The following RPL34 variants were observed in gnomAD, a reference collection of about 807,000 sequenced individuals.
RPL34 encodes large ribosomal subunit protein eL34.
A neutral mutation model predicts 16.3 loss-of-function variants in RPL34; 2 were observed. That is an observed-to-expected ratio of 0.12 (90% CI 0.05 to 0.39). RPL34 has a LOEUF of 0.39. Ranked by LOEUF, RPL34 falls within the 10% of genes least tolerant of loss-of-function variation. The pLI is 0.99. For synonymous variants in RPL34, 47 were observed against 48.5 expected (o/e 0.97, Z 0.13); for missense variants, 82 against 148.8 (o/e 0.55, Z 2.33).
rs1725959356 is a variant in RPL34 at position 108,625,259 on chromosome 4, T to C, written c.*47T>C. 6 of 1,194,352 alleles carry C rather than the reference T, an allele frequency of 5.0e-6. No homozygotes were observed. Among genetic ancestry groups the C allele is most frequent in the Non-Finnish European group, 7.3e-6 (6 of 824,162 alleles). The allele number at this position is 1,194,352 out of a possible 1,614,324, so 74.0% of individuals were successfully genotyped here. ...AATAAAAATGAAAAGACGCTGTATG[T>C]ATGACTTTTTTTTTTTCTGTTGTAA... On this transcript the variant is annotated 3_prime_UTR_variant, in exon 5 of 5. Coordinates refer to ENST00000394667, the MANE Select transcript of RPL34 (RefSeq NM_001319236.2).
chr4:108,624,138 T>C (rs1313898034), intron 4 of RPL34, among the ~76,000 whole-genome samples: 3 of 152,142 alleles, frequency 2.0e-5, no homozygotes, highest in Non-Finnish European at 4.4e-5. Flanking sequence ...AAATACAAAT[T>C]CTCGGGCCTT....
downstream of RPL34, among the ~76,000 whole-genome samples, chr4:108,629,065 G>A (rs990134954): frequency 7.2e-5 from 11 of 152,236 alleles, no homozygotes; most frequent in Admixed American, 4.6e-4. Flanking sequence ...ATGTCCGCCC[G>A]CCTCGGCCTG....
At position 108,622,204 on chromosome 4, in the gene RPL34, G is replaced by A; in HGVS notation, c.165G>A (p.Gly55=). Residue 55 remains glycine, a splice_region_variant and synonymous_variant, in exon 3 of 5, where the codon GGG becomes GGA. Coordinates refer to ENST00000394667, the MANE Select transcript of RPL34 (RefSeq NM_001319236.2). Reference sequence around the variant, plus strand: ...GTGTGTGCCCAGGCAGACTTCGAGGGGTAAGTGTACCTTTTACTGTGTGCA... The same window carrying A: ...GTGTGTGCCCAGGCAGACTTCGAGGAGTAAGTGTACCTTTTACTGTGTGCA... The part of the protein sequence containing the change: ...ACGVCPGRLR[G]VRAVRPKVLM... 3 of 1,600,730 alleles carry A rather than the reference G, an allele frequency of 1.9e-6. No homozygotes were observed. Among genetic ancestry groups the A allele is most frequent in the Non-Finnish European group, 2.6e-6 (3 of 1,172,094 alleles).
downstream of RPL34, chr4:108,625,395 G>A (rs1725967016): frequency 1.4e-5 from 7 of 494,660 alleles, no homozygotes; most frequent in South Asian, 2.7e-5. Flanking sequence ...GTTTGGTTTG[G>A]TTTTTTTGAG....
downstream of RPL34, among the ~76,000 whole-genome samples, chr4:108,628,445 C>T (rs1726084041): frequency 6.6e-6 from 1 of 152,186 alleles, no homozygotes; most frequent in Non-Finnish European, 1.5e-5. Flanking sequence ...AACTAATTGG[C>T]TGCTCTGTAG....
chr4:108,621,754 A>C, intron 1 of RPL34, 197 bp from the exon 2 acceptor site: 1 of 518,558 alleles, frequency 1.9e-6, no homozygotes, highest in South Asian at 2.1e-5. Context: ...ACCATCAGGA[A>C]AGCTAACATT....
In RPL34 at chr4:108,622,596, T is replaced by C. The variant is rs1286162776; in HGVS notation, c.247T>C (p.Cys83Arg). ...HVSRAYGGSM[C>R]AKCVRDRIKR... ...CAGCAGGGCCTATGGTGGTTCCATGTGTGCTAAATGTGTTCGTGACAGGTA... is the reference window on the plus strand; with the variant it reads ...CAGCAGGGCCTATGGTGGTTCCATGCGTGCTAAATGTGTTCGTGACAGGTA... The change falls in exon 4 of 5, where the codon TGT becomes CGT. Residue 83 changes from cysteine to arginine, a missense_variant. Physicochemically the swap from Cys to Arg is radical, Grantham distance 180. Transcript: ENST00000394667. 6.3e-7 allele frequency: 1 copy of C among 1,591,620 alleles called. No homozygotes were observed. The highest frequency in any genetic ancestry group is 1.4e-5 in the African/African-American group (1 of 73,416).
At chr4:108,625,419 C>A, downstream of RPL34, 3 of 459,264 alleles carry the variant, frequency 6.5e-6, no homozygotes, top group Non-Finnish European at 7.9e-6. Flanking sequence ...GAGTTTCTCT[C>A]TTGTTGCCTA....
At chr4:108,622,316 T>G in intron 3 of RPL34, 112 bp downstream of exon 3, 1 of 896,980 alleles carries the variant, frequency 1.1e-6, no homozygotes, top group Admixed American at 2.2e-5. Flanking sequence ...GGTTCAGAAT[T>G]ACTAAACATT....
At chr4:108,621,889 G>C (rs1725793525) in intron 1 of RPL34, 62 bp from the exon 2 acceptor site, 1 of 1,114,706 alleles carries the variant, frequency 9.0e-7, no homozygotes, top group Non-Finnish European at 1.4e-6. Context: ...ACATGATACT[G>C]TTTTGAGATT....
rs369478922 is a variant in RPL34, at chr4:108,622,632, T to C, written c.269+14T>C. On this transcript the variant is annotated intron_variant, in intron 4 of 4. Transcript: ENST00000394667. ...TGTTCGTGACAGGTAAGTTAAATGC[T>C]TAAATGGGCTTTCCTTAGCAAATTA... is the stretch of plus-strand genomic sequence containing the variant. 19 of 1,504,272 alleles carry C rather than the reference T, an allele frequency of 1.3e-5. No homozygotes were observed. Among genetic ancestry groups the C allele is most frequent in the Non-Finnish European group, 1.6e-5 (18 of 1,100,632 alleles). 93.2% of individuals were successfully genotyped at this position (1,504,272 alleles called of 1,614,324 possible). A position where few individuals can be genotyped will look rare whatever the true frequency, so the allele number is the denominator to read the frequency against.
At chr4:108,622,878 G>A (rs925745195) in intron 4 of RPL34, 16 of 352,936 alleles carry the variant, frequency 4.5e-5, no homozygotes, top group Non-Finnish European at 6.7e-5. Context: ...CTCTGTTAGT[G>A]GTTTGGACAA....
intron 1 of RPL34, 98 bp from the exon 2 acceptor site, chr4:108,621,853 G>T (rs974813725): frequency 2.6e-6 from 2 of 783,402 alleles, no homozygotes; most frequent in African/African-American, 3.4e-5. Flanking sequence ...TTACATACAA[G>T]GATATGTATG....
downstream of RPL34, chr4:108,629,899 T>C (rs1167351386): frequency 2.6e-5 from 4 of 152,340 alleles, no homozygotes; most frequent in East Asian, 5.8e-4. Flanking sequence ...ATGCATCTTA[T>C]CAAACCAACT....
intron 4 of RPL34, among the ~76,000 whole-genome samples, chr4:108,624,069 C>T (rs1243601343): frequency 2.9e-5 from 1 of 34,678 alleles, no homozygotes; most frequent in Non-Finnish European, 5.8e-5. Context: ...GCTTTTTTTC[C>T]CCCAGTCTTT....
intron 4 of RPL34, among the ~76,000 whole-genome samples, chr4:108,624,489 C>A (rs1326231359): frequency 6.6e-6 from 1 of 152,158 alleles, no homozygotes; most frequent in Non-Finnish European, 1.5e-5. Context: ...CTGTGCAACA[C>A]TGTAATGATA....
chr4:108,621,799 A>G (rs1473504960), intron 1 of RPL34, 152 bp from the exon 2 acceptor site: 1 of 605,852 alleles, frequency 1.7e-6, no homozygotes, highest in Non-Finnish European at 3.0e-6. Flanking sequence ...CTTTAAATAC[A>G]AGTAGTTTTA....
chr4:108,621,907 CT>C, intron 1 of RPL34, 43 bp from the exon 2 acceptor site: 1 of 1,320,228 alleles, frequency 7.6e-7, no homozygotes, highest in Non-Finnish European at 1.1e-6. Context: ...ATTTTATTTA[CT>C]TTTACAATGG....
intron 4 of RPL34, chr4:108,622,955 A>C (rs1037885604): frequency 7.9e-5 from 15 of 188,998 alleles, no homozygotes; most frequent in African/African-American, 3.5e-4. Context: ...TCATGTGCGG[A>C]AGGTGTTAAA....
Sources: gnomAD v4.1 joint callset for allele counts (sites outside exome capture counted in the v4.1 genomes callset) on GRCh38, gnomAD v4.1.1 for gene constraint, MANE v1.5 for transcripts, NCBI Gene and HGNC (gene_info 2026-07-23, HGNC 2026-07-21) for gene names.